The following RFK variants were observed in gnomAD, a reference collection of about 807,000 sequenced individuals.
RFK encodes 0610038L10Rik.
Under a neutral mutation model 17.6 loss-of-function variants are expected in RFK, and 4 were observed. The ratio of observed to expected loss-of-function variants is 0.23; its 90% CI spans 0.11 to 0.52. The LOEUF (loss-of-function observed/expected upper bound fraction) is 0.52. Among genes scored for constraint, RFK ranks in the 20% least tolerant of loss-of-function variants. The pLI, the probability that RFK is intolerant of heterozygous loss-of-function variation, is 0.96. For synonymous variants in RFK, 59 were observed against 63.8 expected (o/e 0.92, Z 0.36); for missense variants, 189 against 187.7 (o/e 1.01, Z -0.04).
chr9:76,386,265 G>C lies in RFK; in HGVS notation c.*1134C>G, dbSNP rs562125348. The C allele has an allele frequency of 6.6e-6, 1 of 152,224 alleles. No individual in the cohort carries two copies. Among genetic ancestry groups the C allele is most frequent in the Non-Finnish European group, 1.5e-5 (1 of 68,010 alleles). The allele number at this position is 152,224 out of a possible 1,614,324, so 9.4% of individuals were successfully genotyped here. On this transcript the variant is annotated 3_prime_UTR_variant, in exon 4 of 4. Transcript: ENST00000376736. ...TTTATGCTTTTCCCTCAAGCTGTAA[G>C]TACTCTTTAGCATTAAATTACATCG...
intron 2 of RFK, among the ~76,000 whole-genome samples, chr9:76,391,239 T>C (rs1287525748): frequency 2.0e-5 from 3 of 152,248 alleles, no homozygotes; most frequent in African/African-American, 7.2e-5. Context: ...TCTGTAGTTT[T>C]CCAGCAGTGA....
At chr9:76,389,487 C>T (rs538895977) in intron 2 of RFK, among the ~76,000 whole-genome samples, 1 of 152,218 alleles carries the variant, frequency 6.6e-6, no homozygotes, top group African/African-American at 2.4e-5. Flanking sequence ...TGGTTGGGTG[C>T]AGTAGTTCAT....
chr9:76,393,974 T>C (rs1451610149), intron 1 of RFK, 116 bp downstream of exon 1: 2 of 900,868 alleles, frequency 2.2e-6, no homozygotes, highest in African/African-American at 3.4e-5. Flanking sequence ...GGAGGAAGGG[T>C]GTGCTCTCTG....
chr9:76,392,082 G>C (rs898344701), intron 2 of RFK, among the ~76,000 whole-genome samples: 1 of 151,788 alleles, frequency 6.6e-6, no homozygotes, highest in Non-Finnish European at 1.5e-5. Flanking sequence ...GAAATACACA[G>C]AAAGCAATGA....
chr9:76,388,414 C>A (rs1464094221), intron 3 of RFK, 140 bp downstream of exon 3: 4 of 650,592 alleles, frequency 6.1e-6, no homozygotes, highest in African/African-American at 1.8e-5. Flanking sequence ...GATAGATTCA[C>A]GTAAAGCACT....
rs916791471 is a variant in RFK, at chr9:76,392,350, G to A, written c.234+68C>T. 1.5e-5 allele frequency: 23 copies of A among 1,509,216 alleles called. 1 individual carries two copies. The highest frequency in any genetic ancestry group is 2.3e-5 in the East Asian group (1 of 44,186). 93.5% of individuals were successfully genotyped at this position (1,509,216 alleles called of 1,614,324 possible). A position where few individuals can be genotyped will look rare whatever the true frequency, so the allele number is the denominator to read the frequency against. Reference sequence around the variant, plus strand: ...ACCACTGATAAGCTATTTCTGTAACGAATACTGTAATATATTATTCTAAGT... The same window carrying A: ...ACCACTGATAAGCTATTTCTGTAACAAATACTGTAATATATTATTCTAAGT... On this transcript the variant is annotated intron_variant, in intron 2 of 3. Transcript: ENST00000376736.
At position 76,387,511 on chromosome 9, in the gene RFK, A is replaced by C. The variant is rs906954735; in HGVS notation, c.356T>G (p.Ile119Ser). 1 of 1,611,026 alleles carries C rather than the reference A, an allele frequency of 6.2e-7. No homozygotes were observed. Among genetic ancestry groups the C allele is most frequent in the Non-Finnish European group, 8.5e-7 (1 of 1,179,532 alleles). Reference sequence around the variant, plus strand: ...CTTAGCTTCTTCAATATCACCTTGAATTGCTGAAATAAGTGACTCTGCAGA... The same window carrying C: ...CTTAGCTTCTTCAATATCACCTTGACTTGCTGAAATAAGTGACTCTGCAGA... ...FDSLESLISA[I>S]QGDIEEAKKR... The change falls in exon 4 of 4, where the codon ATT (isoleucine) becomes AGT (serine). Residue 119 changes from isoleucine to serine, a missense_variant. This residue lies in a region of RFK where 95 missense variants were observed against 95.7 expected (regional missense o/e 0.99). Transcript: ENST00000376736.
At chr9:76,389,326 C>T (rs776554370) in intron 2 of RFK, among the ~76,000 whole-genome samples, 7 of 152,014 alleles carry the variant, frequency 4.6e-5, no homozygotes, top group Admixed American at 6.5e-5. Flanking sequence ...CTAGCTTCCG[C>T]GGGGCTCAGT....
At position 76,394,340 on chromosome 9, in the gene RFK, C is replaced by T. The variant is rs7026641; in HGVS notation, c.-169G>A. On this transcript the variant is annotated 5_prime_UTR_variant, in exon 1 of 4. Transcript: ENST00000376736. ...ACGCCGACCACAGGCCACTGCGAAT[C>T]CCTGACGCCGCCGACCCAACAAATA... is the stretch of plus-strand genomic sequence containing the variant. 1,586 of 565,102 alleles carry T rather than the reference C, an allele frequency of 2.8e-3. 20 individuals are homozygous for T. Among genetic ancestry groups the T allele is most frequent in the African/African-American group, 0.028 (1,392 of 49,894 alleles). The allele number at this position is 565,102 out of a possible 1,614,324, so 35.0% of individuals were successfully genotyped here. A position where few individuals can be genotyped will look rare whatever the true frequency, so the allele number is the denominator to read the frequency against.
rs866782132 is a variant in RFK at position 76,386,738 on chromosome 9, G to A, written c.*661C>T. The A allele has an allele frequency of 3.9e-5, 6 of 152,150 alleles. No individual in the cohort carries two copies. In the South Asian group the frequency reaches 6.2e-4, roughly 16 times the overall value. 9.4% of individuals were successfully genotyped at this position (152,150 alleles called of 1,614,324 possible). On this transcript the variant is annotated 3_prime_UTR_variant, in exon 4 of 4. Coordinates refer to ENST00000376736, the MANE Select transcript of RFK (RefSeq NM_018339.6). ...ACAATGATGTGACTGCAAAGAAAATGACTAAAACAAAACTTTACAAACATC... is the reference window on the plus strand; with the variant it reads ...ACAATGATGTGACTGCAAAGAAAATAACTAAAACAAAACTTTACAAACATC...
intron 1 of RFK, 79 bp from the exon 2 acceptor site, chr9:76,392,648 T>C (rs2131555314): frequency 2.1e-6 from 3 of 1,431,948 alleles, no homozygotes; most frequent in Non-Finnish European, 2.9e-6. Flanking sequence ...GGCTCATGTC[T>C]GTAATTCTAG....
rs1822865308 is a variant in RFK at position 76,394,396 on chromosome 9, C to G, written c.-225G>C. On this transcript the variant is annotated 5_prime_UTR_variant, in exon 1 of 4. Transcript: ENST00000376736. ...GGGCGCCTGAGGAGCTGCGTCTCCGCTGGAGGGCAGCGGAGACAGCCGAAG... is the reference window on the plus strand; with the variant it reads ...GGGCGCCTGAGGAGCTGCGTCTCCGGTGGAGGGCAGCGGAGACAGCCGAAG... 2.1e-6 allele frequency: 1 copy of G among 475,742 alleles called. No homozygotes were observed. The allele number at this position is 475,742 out of a possible 1,614,324, so 29.5% of individuals were successfully genotyped here. A position where few individuals can be genotyped will look rare whatever the true frequency, so the allele number is the denominator to read the frequency against.
In RFK at chr9:76,392,475, A is replaced by C; in HGVS notation, c.177T>G (p.His59Gln). 1 of 1,614,194 alleles carries C rather than the reference A, an allele frequency of 6.2e-7. No homozygotes were observed. The highest frequency in any genetic ancestry group is 8.5e-7 in the Non-Finnish European group (1 of 1,180,012). ...TCCATCCTATGCTCACCACCATCTTATGGACATCTCCACTTCCAACACTGG... is the reference window on the plus strand; with the variant it reads ...TCCATCCTATGCTCACCACCATCTTCTGGACATCTCCACTTCCAACACTGG... Reference protein sequence around the residue: ...GWASVGSGDVHKMVVSIGWNP... With the variant: ...GWASVGSGDVQKMVVSIGWNP... The change falls in exon 2 of 4, where the codon CAT (histidine) becomes CAG (glutamine). Residue 59 changes from histidine to glutamine, a missense_variant. This residue lies in a region of RFK where 90 missense variants were observed against 75.4 expected (regional missense o/e 1.19). Coordinates refer to ENST00000376736, the MANE Select transcript of RFK (RefSeq NM_018339.6).
chr9:76,393,494 ACCACGCCCGG>A (rs1197212590), intron 1 of RFK, among the ~76,000 whole-genome samples: 1 of 152,226 alleles, frequency 6.6e-6, no homozygotes, highest in Non-Finnish European at 1.5e-5. Flanking sequence ...GGCGTGAGCC[ACCACGCCCGG>A]CCAAAGCTTC....
At chr9:76,391,049 A>T (rs1822813515) in intron 2 of RFK, among the ~76,000 whole-genome samples, 1 of 152,182 alleles carries the variant, frequency 6.6e-6, no homozygotes, top group South Asian at 2.1e-4. Context: ...GTTATGGGCT[A>T]TTGTCCCCTC....
chr9:76,388,418 A>G (rs1370588549), intron 3 of RFK, 136 bp downstream of exon 3: 1 of 658,416 alleles, frequency 1.5e-6, no homozygotes, highest in African/African-American at 1.8e-5. Context: ...GATTCACGTA[A>G]AGCACTTAAA....
intron 2 of RFK, among the ~76,000 whole-genome samples, chr9:76,389,198 T>G (rs1822783898): frequency 1.3e-5 from 2 of 152,150 alleles, no homozygotes; most frequent in Admixed American, 1.3e-4. Flanking sequence ...CCGCATGACG[T>G]AGAAAGTGCC....
At chr9:76,391,230 C>G (rs1442309174) in intron 2 of RFK, among the ~76,000 whole-genome samples, 1 of 152,226 alleles carries the variant, frequency 6.6e-6, no homozygotes, top group Non-Finnish European at 1.5e-5. Context: ...GCATTTAGCT[C>G]TGTAGTTTTC....
intron 2 of RFK, among the ~76,000 whole-genome samples, chr9:76,389,343 G>A (rs554206801): frequency 7.2e-5 from 11 of 152,252 alleles, no homozygotes; most frequent in South Asian, 4.1e-4. Flanking sequence ...CAGTTTTCTC[G>A]TCTGTAATGG....
Sources: allele counts gnomAD v4.1 joint callset (sites outside exome capture counted in the v4.1 genomes callset), GRCh38; gene constraint gnomAD v4.1.1; regional missense constraint gnomAD v4.1.1; transcripts MANE v1.5; gene names NCBI Gene and HGNC (gene_info 2026-07-23, HGNC 2026-07-21).